FGL1: variants seen among roughly 807,000 people sequenced by gnomAD.
The protein encoded by FGL1 is fibrinogen like 1, also known as fibrinogen-like protein 1.
A neutral mutation model predicts 43.7 loss-of-function variants in FGL1; 59 were observed. The ratio of observed to expected loss-of-function variants is 1.35; its 90% CI spans 1.10 to 1.68. The LOEUF (loss-of-function observed/expected upper bound fraction) is 1.68. Among genes scored for constraint, FGL1 ranks in the 40% most tolerant of loss-of-function variants. FGL1 has a pLI of 0.00. For missense variants in FGL1, 596 were observed against 373.0 expected, an observed-to-expected ratio of 1.60 and a Z score of -4.92; for synonymous variants, 192 against 126.5, an observed-to-expected ratio of 1.52 and a Z score of -3.48.
In FGL1 at chr8:17,869,139, A is replaced by T. The variant is rs138480437; in HGVS notation, c.503-135T>A. The stretch of plus-strand genomic sequence containing the variant: ...CCAAGAATCAGTTTTCAAAGATTAA[A>T]CAGTGACTCCTTTGTATATATAACA... On this transcript the variant is annotated intron_variant, in intron 5 of 7. Coordinates refer to ENST00000427924, the MANE Select transcript of FGL1 (RefSeq NM_004467.4). 1,024 of 562,538 alleles carry T rather than the reference A, an allele frequency of 1.8e-3. 5 individuals carry two copies. The highest frequency in any genetic ancestry group is 6.7e-3 in the Middle Eastern group (14 of 2,102). The allele number at this position is 562,538 out of a possible 1,614,324, so 34.8% of individuals were successfully genotyped here.
intron 1 of FGL1, among the ~76,000 whole-genome samples, chr8:17,892,056 C>T (rs1377548849): frequency 1.3e-5 from 2 of 152,104 alleles, no homozygotes; most frequent in Non-Finnish European, 2.9e-5. Context: ...TAGTTTGACT[C>T]GTGTTTTCAG....
intron 1 of FGL1, among the ~76,000 whole-genome samples, chr8:17,892,488 C>A (rs978082839): frequency 6.6e-6 from 1 of 151,840 alleles, no homozygotes; most frequent in East Asian, 1.9e-4. Context: ...AATTGTTTGC[C>A]TAAAGAAATA....
intron 5 of FGL1, among the ~76,000 whole-genome samples, chr8:17,871,153 A>C (rs1298885947): frequency 6.6e-6 from 1 of 152,116 alleles, no homozygotes. Context: ...AAGACTGTAG[A>C]GTGTATAAGA....
intron 3 of FGL1, among the ~76,000 whole-genome samples, chr8:17,875,123 T>G (rs1304627279): frequency 1.3e-5 from 2 of 152,212 alleles, no homozygotes; most frequent in Non-Finnish European, 2.9e-5. Context: ...ACTTAGAGCA[T>G]GATAAATCAT....
At chr8:17,870,965 G>T (rs866154318) in intron 5 of FGL1, among the ~76,000 whole-genome samples, 5 of 152,014 alleles carry the variant, frequency 3.3e-5, no homozygotes, top group African/African-American at 9.7e-5. Context: ...ACCAGGACGA[G>T]AACATCCTGA....
intron 1 of FGL1, chr8:17,891,722 A>G: frequency 2.0e-6 from 2 of 984,986 alleles, no homozygotes; most frequent in Non-Finnish European, 2.4e-6. Flanking sequence ...TGTTATTGTA[A>G]TTTCACAGTT....
In FGL1 at chr8:17,864,421, T is replaced by C. The variant is rs2053237771; in HGVS notation, c.*171A>G. On this transcript the variant is annotated 3_prime_UTR_variant, in exon 8 of 8. Transcript: ENST00000427924. Reference sequence around the variant, plus strand: ...ACAGTCTACATTTATTTGGTGAATATTGCATATCTGCTGTACTGAAAGCAC... The same window carrying C: ...ACAGTCTACATTTATTTGGTGAATACTGCATATCTGCTGTACTGAAAGCAC... The C allele has an allele frequency of 3.3e-6, 2 of 610,416 alleles. No individual in the cohort carries two copies. The highest frequency in any genetic ancestry group is 5.4e-6 in the Non-Finnish European group (2 of 367,264). The allele number at this position is 610,416 out of a possible 1,614,324, so 37.8% of individuals were successfully genotyped here. A position where few individuals can be genotyped will look rare whatever the true frequency, so the allele number is the denominator to read the frequency against.
chr8:17,873,838 T>TC (rs2053401897), intron 5 of FGL1, among the ~76,000 whole-genome samples, 181 bp downstream of exon 5: 1 of 151,788 alleles, frequency 6.6e-6, no homozygotes, highest in Admixed American at 6.6e-5. Flanking sequence ...AGCTTTTTTT[T>TC]CTGTTTCTAA....
intron 5 of FGL1, among the ~76,000 whole-genome samples, chr8:17,871,085 G>A (rs889613724): frequency 9.2e-5 from 14 of 152,194 alleles, no homozygotes; most frequent in African/African-American, 3.4e-4. Flanking sequence ...TGTTGATTTA[G>A]CACCACAATT....
chr8:17,869,586 CG>C (rs959350220), intron 5 of FGL1, among the ~76,000 whole-genome samples: 11 of 152,114 alleles, frequency 7.2e-5, no homozygotes, highest in African/African-American at 2.7e-4. Flanking sequence ...CGAAAACCTT[CG>C]TTTGATACTG....
intron 1 of FGL1, among the ~76,000 whole-genome samples, chr8:17,885,966 C>T (rs558480045): frequency 1.3e-5 from 2 of 152,272 alleles, no homozygotes; most frequent in African/African-American, 4.8e-5. Context: ...TGTTGTGAGG[C>T]TGGTCTCAAA....
intron 3 of FGL1, among the ~76,000 whole-genome samples, chr8:17,875,537 CTTT>C (rs2053438112): frequency 1.6e-4 from 2 of 12,232 alleles, no homozygotes; most frequent in Admixed American, 7.1e-4. Flanking sequence ...CTTTCTTTCT[CTTT>C]CTTTCTTTCT....
intron 1 of FGL1, among the ~76,000 whole-genome samples, chr8:17,886,716 C>A (rs967885128): frequency 6.6e-6 from 1 of 152,042 alleles, no homozygotes; most frequent in African/African-American, 2.4e-5. Flanking sequence ...CGAGATCGTG[C>A]CAATGCACTC....
At chr8:17,873,851 T>A (rs1383610868) in intron 5 of FGL1, among the ~76,000 whole-genome samples, 168 bp downstream of exon 5, 2 of 151,896 alleles carry the variant, frequency 1.3e-5, no homozygotes, top group African/African-American at 4.8e-5. Flanking sequence ...GTTTCTAATT[T>A]TAGGCAGCCA....
intron 7 of FGL1, among the ~76,000 whole-genome samples, chr8:17,867,762 T>C (rs1476084068): frequency 1.3e-5 from 2 of 152,118 alleles, no homozygotes; most frequent in East Asian, 3.9e-4. Context: ...GAATCTCTGC[T>C]CAGAATGACA....
intron 1 of FGL1, chr8:17,891,901 G>A (rs1042914039): frequency 2.1e-6 from 1 of 479,048 alleles, no homozygotes; most frequent in Non-Finnish European, 2.7e-6. Context: ...ATATGTAACA[G>A]CTTATTTTGG....
At chr8:17,882,806 C>CATATAATATATTAAATAATAAAT (rs2053558876) in intron 2 of FGL1, 4 of 111,624 alleles carry the variant, frequency 3.6e-5, no homozygotes, top group South Asian at 2.6e-4. Context: ...ATATATTAAA[C>CATATAATATATTAAATAATAAAT]AATATATAAT....
At position 17,864,489 on chromosome 8, in the gene FGL1, C is replaced by CA; in HGVS notation, c.*102dup. 1 of 1,286,286 alleles carries CA rather than the reference C, an allele frequency of 7.8e-7. No homozygotes were observed. Among genetic ancestry groups the CA allele is most frequent in the Non-Finnish European group, 1.1e-6 (1 of 943,246 alleles). The allele number at this position is 1,286,286 out of a possible 1,614,324, so 79.7% of individuals were successfully genotyped here. ...AGTGAGAAGAATGAAAAGCACTACT[C>CA]ACAACAGTTATCATGATTGCGCATG... On this transcript the variant is annotated 3_prime_UTR_variant, in exon 8 of 8. Transcript: ENST00000427924.
chr8:17,875,539 T>TTCTTTCTTTCTCTC (rs2053438603), intron 3 of FGL1, among the ~76,000 whole-genome samples: 2 of 14,696 alleles, frequency 1.4e-4, no homozygotes, highest in Non-Finnish European at 3.7e-4. Flanking sequence ...TTCTTTCTCT[T>TTCTTTCTTTCTCTC]TCTTTCTTTC....
Sources: allele counts gnomAD v4.1 joint callset (sites outside exome capture counted in the v4.1 genomes callset), GRCh38; gene constraint gnomAD v4.1.1; transcripts MANE v1.5; gene names NCBI Gene and HGNC (gene_info 2026-07-23, HGNC 2026-07-21).